CSF2RA: variants seen among roughly 807,000 people sequenced by gnomAD.
CSF2RA encodes granulocyte-macrophage colony-stimulating factor receptor subunit alpha.
In CSF2RA, 42 loss-of-function variants were observed where a neutral mutation model predicts 51.6. The ratio of observed to expected loss-of-function variants is 0.81; its 90% CI spans 0.64 to 1.05. CSF2RA has a LOEUF of 1.05. Among genes scored for constraint, CSF2RA ranks in the 50% least tolerant of loss-of-function variants. The probability of loss-of-function intolerance (pLI) is 0.00; values close to 1 mark genes in which losing one functional copy is unlikely to be tolerated. For missense variants in CSF2RA, 530 were observed against 501.1 expected (o/e 1.06, Z -0.55); for synonymous variants, 222 against 193.0 (o/e 1.15, Z -1.24).
At chrX:1,311,861 A>G (rs1184224152), downstream of CSF2RA, among the ~76,000 whole-genome samples, 2 of 152,104 alleles carry the variant, frequency 1.3e-5, no homozygotes, top group Non-Finnish European at 2.9e-5. Flanking sequence ...GAAAAGGCTG[A>G]CTTTCTTCAT....
At chrX:1,280,031 C>T (rs2089692327) in intron 2 of CSF2RA, among the ~76,000 whole-genome samples, 1 of 151,868 alleles carries the variant, frequency 6.6e-6, no homozygotes, top group Non-Finnish European at 1.5e-5. Context: ...CTCAGGCGAT[C>T]CGCCTGCCTT....
intron 2 of CSF2RA, among the ~76,000 whole-genome samples, chrX:1,275,470 G>A (rs1307582765): frequency 6.6e-6 from 1 of 152,134 alleles, no homozygotes; most frequent in Non-Finnish European, 1.5e-5. Flanking sequence ...ATAGTCTAAA[G>A]AGATCCTGAG....
downstream of CSF2RA, among the ~76,000 whole-genome samples, chrX:1,315,027 G>GCGCCTGCC (rs2084514098): frequency 6.6e-6 from 1 of 151,924 alleles, no homozygotes; most frequent in African/African-American, 2.4e-5. Flanking sequence ...CAACCACACT[G>GCGCCTGCC]CACCAAAGGA....
intron 8 of CSF2RA, among the ~76,000 whole-genome samples, chrX:1,294,900 G>T (rs1279149059): frequency 1.3e-5 from 2 of 152,170 alleles, no homozygotes; most frequent in East Asian, 3.9e-4. Context: ...CCTCCATGGA[G>T]ACCCAGTGTA....
chrX:1,312,685 G>A (rs1275248312), downstream of CSF2RA, among the ~76,000 whole-genome samples: 4 of 152,082 alleles, frequency 2.6e-5, no homozygotes, highest in Admixed American at 2.6e-4. Context: ...GGGCCTACAG[G>A]GGACTTCAGG....
At chrX:1,313,785 C>G (rs746402981), downstream of CSF2RA, among the ~76,000 whole-genome samples, 1 of 151,372 alleles carries the variant, frequency 6.6e-6, no homozygotes, top group African/African-American at 2.4e-5. Flanking sequence ...GGTCAGGAGT[C>G]CGAGACCAGC....
chrX:1,270,235 A>G (rs1207092275), intron 1 of CSF2RA, among the ~76,000 whole-genome samples: 2 of 127,030 alleles, frequency 1.6e-5, no homozygotes, highest in Non-Finnish European at 3.2e-5. Context: ...TATACATATT[A>G]TATATTTTTT....
At chrX:1,316,069 T>C in the CSF2RA span, among the ~76,000 whole-genome samples, 2 of 151,834 alleles carry the variant, frequency 1.3e-5, no homozygotes, top group Admixed American at 6.6e-5. Flanking sequence ...AATAGATAGA[T>C]AGATAGATAG....
intron 12 of CSF2RA, among the ~76,000 whole-genome samples, chrX:1,307,550 T>C (rs1180597548): frequency 2.0e-5 from 3 of 151,190 alleles, no homozygotes; most frequent in African/African-American, 4.9e-5. Context: ...CCCACGCTTC[T>C]CCTTTGGACC....
Position 1,303,911 on chromosome X carries a change from G to A in CSF2RA, c.947-12G>A, listed in dbSNP as rs769964742. The A allele has an allele frequency of 6.2e-7, 1 of 1,601,266 alleles. No individual in the cohort carries two copies. The highest frequency in any genetic ancestry group is 8.6e-7 in the Non-Finnish European group (1 of 1,168,494). Reference sequence around the variant, plus strand: ...CGATTCACCGCAGACGCAAACCTGTGTGTCTCTCCAGGTTCTGACGACGGG... The same window carrying A: ...CGATTCACCGCAGACGCAAACCTGTATGTCTCTCCAGGTTCTGACGACGGG... On this transcript the variant is annotated splice_polypyrimidine_tract_variant and intron_variant, in intron 10 of 12. Transcript: ENST00000381529.
intron 7 of CSF2RA, among the ~76,000 whole-genome samples, chrX:1,290,825 C>T (rs112369840): frequency 6.6e-6 from 1 of 152,122 alleles, no homozygotes. Flanking sequence ...TGTGCCACTG[C>T]ACTCCAGCTT....
the CSF2RA span, among the ~76,000 whole-genome samples, chrX:1,322,797 A>G: frequency 6.6e-6 from 1 of 152,016 alleles, no homozygotes; most frequent in Non-Finnish European, 1.5e-5. Flanking sequence ...ATGGGACATT[A>G]TTTCAAAATA....
At chrX:1,282,847 A>G in intron 3 of CSF2RA, 68 bp downstream of exon 3, 7 of 1,319,766 alleles carry the variant, frequency 5.3e-6, no homozygotes, top group Non-Finnish European at 7.7e-6. Context: ...CTGGAGACCC[A>G]TCTGGATACC....
At chrX:1,316,462 A>C in the CSF2RA span, among the ~76,000 whole-genome samples, 3 of 152,094 alleles carry the variant, frequency 2.0e-5, no homozygotes, top group Non-Finnish European at 4.4e-5. Flanking sequence ...CAAAGATACT[A>C]CCAGGGGCCA....
Position 1,274,759 on chromosome X carries a change from C to T in CSF2RA, c.-86C>T, listed in dbSNP as rs1367692050. The T allele has an allele frequency of 3.3e-5, 15 of 453,252 alleles. No homozygotes were observed. Among genetic ancestry groups the T allele is most frequent in the Non-Finnish European group, 5.7e-5 (13 of 226,718 alleles). The allele number at this position is 453,252 out of a possible 1,614,324, so 28.1% of individuals were successfully genotyped here. On this transcript the variant is annotated 5_prime_UTR_variant, in exon 2 of 13. It introduces an in-frame stop codon into an upstream open reading frame of the 5' UTR. Transcript: ENST00000381529. Reference sequence around the variant, plus strand: ...AGACTTATTTACCTTTCACAGTTTACAGCAGGAAAATCCGTGGAGACAGCA... The same window carrying T: ...AGACTTATTTACCTTTCACAGTTTATAGCAGGAAAATCCGTGGAGACAGCA...
downstream of CSF2RA, among the ~76,000 whole-genome samples, chrX:1,314,495 G>GCACC (rs1185702198): frequency 1.3e-4 from 19 of 141,494 alleles, no homozygotes; most frequent in Non-Finnish European, 2.3e-4. Context: ...CAACCCCACT[G>GCACC]TGCCTGCCCA....
chrX:1,321,173 A>C, the CSF2RA span, among the ~76,000 whole-genome samples: 1 of 151,986 alleles, frequency 6.6e-6, no homozygotes, highest in Non-Finnish European at 1.5e-5. Flanking sequence ...GTCCCTTTTA[A>C]GAAGTGCAGA....
the CSF2RA span, among the ~76,000 whole-genome samples, chrX:1,322,439 GTTTT>G: frequency 2.4e-4 from 29 of 120,702 alleles, 1 homozygote; most frequent in African/African-American, 6.6e-4. Flanking sequence ...GTGTGTGTTT[GTTTT>G]TTTTTTTTTT....
At chrX:1,311,438 TTTG>T (rs1432076337), downstream of CSF2RA, among the ~76,000 whole-genome samples, 16 of 99,342 alleles carry the variant, frequency 1.6e-4, no homozygotes, top group South Asian at 2.1e-3. Flanking sequence ...AATAAACCTG[TTTG>T]TTTTTTTTTT....
Sources: gnomAD v4.1 joint callset for allele counts (sites outside exome capture counted in the v4.1 genomes callset) on GRCh38, gnomAD v4.1.1 for gene constraint, MANE v1.5 for transcripts, NCBI Gene and HGNC (gene_info 2026-07-23, HGNC 2026-07-21) for gene names.